The following CABYR variants were observed in gnomAD, a reference collection of about 807,000 sequenced individuals.
The protein encoded by CABYR is calcium-binding tyrosine phosphorylation-regulated protein.
A neutral mutation model predicts 36.1 loss-of-function variants in CABYR; 31 were observed. That is an observed-to-expected ratio of 0.86 (90% CI 0.64 to 1.16). The LOEUF (loss-of-function observed/expected upper bound fraction) is 1.16. Ranked by LOEUF, CABYR falls within the 50% of genes most tolerant of loss-of-function variation. The pLI is 0.00. For synonymous variants in CABYR, 146 were observed against 160.7 expected (o/e 0.91, Z 0.69); for missense variants, 429 against 455.8 (o/e 0.94, Z 0.53).
intron 3 of CABYR, among the ~76,000 whole-genome samples, chr18:24,144,904 G>A (rs1392141800): frequency 1.3e-5 from 2 of 152,170 alleles, no homozygotes; most frequent in Admixed American, 6.5e-5. Flanking sequence ...TACTTTTCTG[G>A]CATATCTAAG....
At chr18:24,157,749 C>T (rs1276726882) in intron 4 of CABYR, among the ~76,000 whole-genome samples, 1 of 152,196 alleles carries the variant, frequency 6.6e-6, no homozygotes, top group Non-Finnish European at 1.5e-5. Context: ...CCATGTTTTC[C>T]TATGACATAG....
intron 3 of CABYR, among the ~76,000 whole-genome samples, chr18:24,154,881 T>C (rs1435215918): frequency 6.6e-6 from 1 of 152,182 alleles, no homozygotes; most frequent in Non-Finnish European, 1.5e-5. Flanking sequence ...AAGGCTACAC[T>C]TTCAGATCCA....
intron 4 of CABYR, chr18:24,156,307 A>T (rs1184224668): frequency 3.1e-6 from 5 of 1,613,990 alleles, no homozygotes; most frequent in Admixed American, 3.3e-5. Flanking sequence ...GATGAACAAG[A>T]ACCTCCTGCT....
At chr18:24,155,186 CCA>C (rs1204644440) in intron 3 of CABYR, among the ~76,000 whole-genome samples, 1 of 152,128 alleles carries the variant, frequency 6.6e-6, no homozygotes, top group African/African-American at 2.4e-5. Flanking sequence ...ACCTTTTTCC[CCA>C]GTTTTGTGTG....
In CABYR at chr18:24,139,080, G is replaced by A. The variant is rs373950699; in HGVS notation, c.-63G>A. The A allele has an allele frequency of 6.6e-6, 1 of 152,392 alleles. No homozygotes were observed. The allele number at this position is 152,392 out of a possible 1,614,324, so 9.4% of individuals were successfully genotyped here. ...TCTCCTCAGGAGCCGCCGGCAAGGGGGCAACGAGGAAGCTCTTAAGAGCGC... is the reference window on the plus strand; with the variant it reads ...TCTCCTCAGGAGCCGCCGGCAAGGGAGCAACGAGGAAGCTCTTAAGAGCGC... On this transcript the variant is annotated 5_prime_UTR_variant, in exon 1 of 6. Coordinates refer to ENST00000399496, the MANE Select transcript of CABYR (RefSeq NM_153769.3).
intron 3 of CABYR, among the ~76,000 whole-genome samples, chr18:24,150,782 TG>T (rs767433183): frequency 0.12 from 11,998 of 98,600 alleles, 576 homozygotes; most frequent in Middle Eastern, 0.35. Context: ...TTTTGTTTTT[TG>T]TTTTTTTTTT....
rs377302361 is a variant in CABYR at position 24,159,789 on chromosome 18, G to A, written c.859G>A (p.Val287Ile). Residue 287 changes from valine (V) to isoleucine (I), a missense_variant, in exon 5 of 6, where the codon GTC (valine) becomes ATC (isoleucine). Physicochemically the swap from Val to Ile is conservative, Grantham distance 29 (BLOSUM62 3). Coordinates refer to ENST00000399496, the MANE Select transcript of CABYR (RefSeq NM_153769.3). ...PGHAVVSQSD[V>I]LRYVAMQVPI... ...ACATGCTGTCGTTTCACAGTCAGAT[G>A]TCTTGAGATATGTTGCAATGCAAGT... 70 of 1,614,006 alleles carry A rather than the reference G, an allele frequency of 4.3e-5. No homozygotes were observed. In the African/African-American group the frequency reaches 7.5e-4, roughly 17 times the overall value.
At chr18:24,156,174 G>GT (rs1568464312) in intron 4 of CABYR, 132 bp downstream of exon 4, 2 of 1,614,190 alleles carry the variant, frequency 1.2e-6, no homozygotes, top group Non-Finnish European at 1.7e-6. Context: ...TGCTCCTCTT[G>GT]TGTGTTCTGG....
chr18:24,151,783 G>A (rs886732348), intron 3 of CABYR, among the ~76,000 whole-genome samples: 9 of 148,458 alleles, frequency 6.1e-5, no homozygotes, highest in African/African-American at 2.2e-4. Context: ...TCTACCTCCC[G>A]GGCTCAAGCA....
rs966152771 is a variant in CABYR, at chr18:24,159,628, C to T, written c.698C>T (p.Pro233Leu). Residue 233 changes from proline to leucine, a missense_variant, in exon 5 of 6, where the codon CCA becomes CTA. Coordinates refer to ENST00000399496, the MANE Select transcript of CABYR (RefSeq NM_153769.3). ...ATLYLPNPKD[P>L]QFQQHPPKVT... is the part of the protein sequence containing the mutation. ...CTCTATTTACCTAATCCTAAGGATC[C>T]ACAGTTTCAGCAGCATCCACCAAAA... The T allele has an allele frequency of 3.1e-6, 5 of 1,613,902 alleles. No individual in the cohort carries two copies. The African/African-American group carries it at 6.7e-5, about 22-fold the overall frequency.
chr18:24,159,790 T>C lies in CABYR; in HGVS notation c.860T>C (p.Val287Ala), dbSNP rs775893294. 1.9e-6 allele frequency: 3 copies of C among 1,614,074 alleles called. No homozygotes were observed. In the Admixed American group the frequency reaches 5.0e-5, roughly 27 times the overall value. Residue 287 changes from valine to alanine, a missense_variant, in exon 5 of 6, where the codon GTC (valine) becomes GCC (alanine). By Grantham distance (64) the Val-to-Ala change is moderately conservative (BLOSUM62 0). Transcript: ENST00000399496. ...CATGCTGTCGTTTCACAGTCAGATG[T>C]CTTGAGATATGTTGCAATGCAAGTG... ...PGHAVVSQSD[V>A]LRYVAMQVPI...
Position 24,161,591 on chromosome 18 carries a change from T to C in CABYR, c.*75T>C. 1 of 771,828 alleles carries C rather than the reference T, an allele frequency of 1.3e-6. No homozygotes were observed. Among genetic ancestry groups the C allele is most frequent in the Non-Finnish European group, 2.4e-6 (1 of 414,396 alleles). The allele number at this position is 771,828 out of a possible 1,614,324, so 47.8% of individuals were successfully genotyped here. On this transcript the variant is annotated 3_prime_UTR_variant, in exon 6 of 6. Transcript: ENST00000399496. ...CAGTGTAATGTATCAATAAACTTCA[T>C]GCAAGCATACAATTTTGTATTGCTT...
chr18:24,143,548 T>A (rs1247488798), intron 3 of CABYR, 135 bp downstream of exon 3: 1 of 300,286 alleles, frequency 3.3e-6, no homozygotes, highest in Non-Finnish European at 5.8e-6. Flanking sequence ...TTTTAAAATA[T>A]ATATATATAT....
intron 1 of CABYR, among the ~76,000 whole-genome samples, chr18:24,140,615 C>T (rs530767924): frequency 2.6e-5 from 4 of 152,106 alleles, no homozygotes; most frequent in Admixed American, 6.5e-5. Flanking sequence ...ACTATAGACA[C>T]CCTGTTGTGC....
intron 3 of CABYR, among the ~76,000 whole-genome samples, chr18:24,145,690 G>A (rs2085443426): frequency 6.6e-6 from 1 of 152,178 alleles, no homozygotes; most frequent in Non-Finnish European, 1.5e-5. Flanking sequence ...AAGCTAAGTC[G>A]AGAGATCAGA....
rs2085765690 is a variant in CABYR, at chr18:24,155,813, C to T, written c.312C>T (p.Asp104=). Residue 104 remains aspartate, a synonymous_variant, in exon 4 of 6, where the codon GAC becomes GAT. Coordinates refer to ENST00000399496, the MANE Select transcript of CABYR (RefSeq NM_153769.3). ...CTACCCAGATGGAAAAATCTACAGA[C>T]ACAGACGAGGACAATGTAACCAGAA... ...KVPTQMEKST[D]TDEDNVTRTE... The T allele has an allele frequency of 6.2e-7, 1 of 1,614,124 alleles. No individual in the cohort carries two copies. The highest frequency in any genetic ancestry group is 2.2e-5 in the East Asian group (1 of 44,884).
intron 3 of CABYR, among the ~76,000 whole-genome samples, chr18:24,149,917 G>C (rs2085575298): frequency 2.6e-5 from 4 of 152,346 alleles, no homozygotes; most frequent in Admixed American, 2.6e-4. Context: ...CGCAGCCCCG[G>C]TTCCCGCTGG....
intron 3 of CABYR, among the ~76,000 whole-genome samples, chr18:24,146,896 C>T (rs2085472912): frequency 1.3e-5 from 2 of 152,072 alleles, no homozygotes; most frequent in South Asian, 4.1e-4. Context: ...AATATATACC[C>T]AGGGAATATA....
Position 24,159,713 on chromosome 18 carries a change from C to A in CABYR, c.783C>A (p.Ile261=). 1 of 1,613,984 alleles carries A rather than the reference C, an allele frequency of 6.2e-7. No individual in the cohort carries two copies. The highest frequency in any genetic ancestry group is 8.5e-7 in the Non-Finnish European group (1 of 1,180,008). ...AGAAGACCAGTGCCCCACCTTTTAT[C>A]TTAGTAGGCTCAAATGTTCAGGAAG... is the stretch of plus-strand genomic sequence containing the variant. ...DTKKTSAPPF[I]LVGSNVQEAQ... Residue 261 remains isoleucine, a synonymous_variant, in exon 5 of 6, where the codon ATC becomes ATA. Coordinates refer to ENST00000399496, the MANE Select transcript of CABYR (RefSeq NM_153769.3).
Sources: allele counts gnomAD v4.1 joint callset (sites outside exome capture counted in the v4.1 genomes callset), GRCh38; gene constraint gnomAD v4.1.1; transcripts MANE v1.5; gene names NCBI Gene and HGNC (gene_info 2026-07-23, HGNC 2026-07-21).